The following MYH11 variants were observed in gnomAD, a reference collection of about 807,000 sequenced individuals.
MYH11 encodes the protein myosin heavy chain 11, also known as myosin-11.
Under a neutral mutation model 246.6 loss-of-function variants are expected in MYH11, and 80 were observed. The observed-to-expected ratio is 0.32, with a 90% CI of 0.27 to 0.39. MYH11 has a LOEUF of 0.39. Among genes scored for constraint, MYH11 ranks in the 10% least tolerant of loss-of-function variants. The pLI, the probability that MYH11 is intolerant of heterozygous loss-of-function variation, is 1.00. For synonymous variants in MYH11, 1,071 were observed against 1,015.5 expected (o/e 1.05, Z -1.04); for missense variants, 2,158 against 2,546.8 (o/e 0.85, Z 3.29).
At position 15,741,643 on chromosome 16, in the gene MYH11, C is replaced by G. The variant is rs1021297987; in HGVS notation, c.2679G>C (p.Gln893His). The G allele has an allele frequency of 3.7e-6, 6 of 1,613,626 alleles. No individual in the cohort carries two copies. The African/African-American group carries it at 4.0e-5, about 11-fold the overall frequency. ...SQLTEEKNLL[Q>H]EQLQAETELY... ...GCTCTGTCTCTGCCTGCAGCTGTTC[C>G]TGTAGCAGGTTCTTCTCCTCGGTCA... Residue 893 changes from glutamine to histidine, a missense_variant, in exon 22 of 41, where the codon CAG becomes CAC. By Grantham distance (24) the Gln-to-His change is conservative. Transcript: ENST00000300036.
At chr16:15,839,693 CG>C (rs1224378102) in intron 1 of MYH11, among the ~76,000 whole-genome samples, 1 of 143,268 alleles carries the variant, frequency 7.0e-6, no homozygotes, top group Non-Finnish European at 1.5e-5. Context: ...GACTCTGTCT[CG>C]AAAAAAAAAA....
In MYH11 at chr16:15,775,773, G is replaced by A. The variant is rs971364768; in HGVS notation, c.889+305C>T. 37 of 419,798 alleles carry A rather than the reference G, an allele frequency of 8.8e-5. 1 individual carries two copies. Among genetic ancestry groups the A allele is most frequent in the East Asian group, 5.6e-4 (13 of 23,406 alleles). 26.0% of individuals were successfully genotyped at this position (419,798 alleles called of 1,614,324 possible). On this transcript the variant is annotated intron_variant, in intron 8 of 40. Transcript: ENST00000300036. ...TGTCTTTCTCCCTTTCCTTGAAGGC[G>A]TAGATTGTGTCTAGTTGGACTTGAT... is the stretch of plus-strand genomic sequence containing the variant.
intron 16 of MYH11, 187 bp downstream of exon 16, chr16:15,749,951 T>C (rs1368246229): frequency 1.4e-6 from 1 of 698,886 alleles, no homozygotes; most frequent in African/African-American, 1.8e-5. Flanking sequence ...GAAAAGTCTC[T>C]GGATGCATCC....
intron 3 of MYH11, among the ~76,000 whole-genome samples, chr16:15,806,496 A>G (rs1806985008): frequency 6.6e-6 from 1 of 152,178 alleles, no homozygotes; most frequent in Non-Finnish European, 1.5e-5. Flanking sequence ...ATATAAAATT[A>G]TATTGCAGCA....
At chr16:15,805,048 G>T (rs879159019) in intron 3 of MYH11, among the ~76,000 whole-genome samples, 1 of 152,080 alleles carries the variant, frequency 6.6e-6, no homozygotes, top group Non-Finnish European at 1.5e-5. Context: ...ATCGTCTTGG[G>T]AGTCAACTCT....
chr16:15,849,071 G>A (rs1026393105), intron 1 of MYH11, among the ~76,000 whole-genome samples: 3 of 152,204 alleles, frequency 2.0e-5, no homozygotes, highest in Non-Finnish European at 4.4e-5. Flanking sequence ...TGCTCTCAAT[G>A]TTTTTGGTTG....
chr16:15,771,543 C>G (rs1395112265), intron 9 of MYH11, 26 bp downstream of exon 9: 1 of 1,612,600 alleles, frequency 6.2e-7, no homozygotes, highest in African/African-American at 1.3e-5. Flanking sequence ...GCAAGCTACC[C>G]TCCAGACTCA....
At chr16:15,824,281 CTT>C (rs58481524) in intron 2 of MYH11, among the ~76,000 whole-genome samples, 37 of 143,966 alleles carry the variant, frequency 2.6e-4, no homozygotes, top group Admixed American at 2.8e-4. Context: ...ATGTTGTTTA[CTT>C]TTTTTTTTTT....
rs765515209 is a variant in MYH11 at position 15,753,528 on chromosome 16, G to A, written c.1750-20C>T. ...GTCCACCTGCCAAGGACACCCTGCT[G>A]GTCAGAACCCCTGGGAAACTAGAAA... On this transcript the variant is annotated intron_variant, in intron 14 of 40. Coordinates refer to ENST00000300036, the MANE Select transcript of MYH11 (RefSeq NM_002474.3). 1.3e-6 allele frequency: 2 copies of A among 1,593,138 alleles called. No homozygotes were observed. Among genetic ancestry groups the A allele is most frequent in the Non-Finnish European group, 1.7e-6 (2 of 1,160,980 alleles).
intron 12 of MYH11, 33 bp downstream of exon 12, chr16:15,759,543 G>A (rs1416463943): frequency 2.5e-6 from 4 of 1,613,814 alleles, no homozygotes; most frequent in East Asian, 2.2e-5. Flanking sequence ...AGACAACCAA[G>A]ACCATGGCTC....
At chr16:15,719,851 C>G (rs2040373406) in intron 34 of MYH11, 138 bp from the exon 35 acceptor site, 4 of 1,305,436 alleles carry the variant, frequency 3.1e-6, no homozygotes, top group South Asian at 1.2e-5. Context: ...GAGCATGGCT[C>G]TCAGTTCCAG....
intron 25 of MYH11, among the ~76,000 whole-genome samples, chr16:15,736,344 T>C (rs865905452): frequency 4.6e-5 from 7 of 152,210 alleles, no homozygotes; most frequent in Middle Eastern, 6.8e-3. Flanking sequence ...AGTGGCATGA[T>C]CATAGCTCAC....
Position 15,720,265 on chromosome 16 carries a change from G to T in MYH11, c.4839C>A (p.Ala1613=), listed in dbSNP as rs536345257. Residue 1613 remains alanine, a synonymous_variant, in exon 34 of 41, where the codon GCC becomes GCA. Coordinates refer to ENST00000300036, the MANE Select transcript of MYH11 (RefSeq NM_002474.3). ...TELEDERKQR[A]LAAAAKKKLE... ...GCTTCTTCTTTGCTGCAGCTGCCAG[G>T]GCACGTTGCTTTCGCTCGTCTTCCA... The T allele has an allele frequency of 1.9e-6, 3 of 1,614,132 alleles. No individual in the cohort carries two copies. In the African/African-American group the frequency reaches 4.0e-5, roughly 22 times the overall value.
intron 3 of MYH11, among the ~76,000 whole-genome samples, chr16:15,818,731 C>T (rs778503807): frequency 6.6e-6 from 1 of 151,812 alleles, no homozygotes; most frequent in Non-Finnish European, 1.5e-5. Flanking sequence ...CCACCGTGCC[C>T]GATTCTTTTT....
intron 8 of MYH11, among the ~76,000 whole-genome samples, chr16:15,774,745 A>T (rs1477006162): frequency 6.6e-6 from 1 of 152,094 alleles, no homozygotes; most frequent in African/African-American, 2.4e-5. Context: ...GCCAGCCACC[A>T]CACCTGGCTA....
intron 9 of MYH11, among the ~76,000 whole-genome samples, chr16:15,764,560 T>A (rs1231061383): frequency 6.6e-6 from 1 of 152,078 alleles, no homozygotes; most frequent in East Asian, 1.9e-4. Flanking sequence ...ACATACTGTC[T>A]AAGTCCATAT....
At chr16:15,813,842 G>A (rs11863378) in intron 3 of MYH11, among the ~76,000 whole-genome samples, 2,177 of 144,350 alleles carry the variant, frequency 0.015, 56 homozygotes, top group African/African-American at 0.053. Flanking sequence ...CAAAAGAGGG[G>A]GGAAAAGGCA....
At chr16:15,799,283 G>C (rs1166806736) in intron 3 of MYH11, among the ~76,000 whole-genome samples, 1 of 152,154 alleles carries the variant, frequency 6.6e-6, no homozygotes, top group East Asian at 1.9e-4. Context: ...ATGTGTTCCA[G>C]GCTGCATTGG....
At chr16:15,767,027 G>T (rs1308842875) in intron 9 of MYH11, among the ~76,000 whole-genome samples, 1 of 152,124 alleles carries the variant, frequency 6.6e-6, no homozygotes, top group Non-Finnish European at 1.5e-5. Context: ...CCTAGTTCCG[G>T]GTCCAGATAC....
Sources: allele counts gnomAD v4.1 joint callset (sites outside exome capture counted in the v4.1 genomes callset), GRCh38; gene constraint gnomAD v4.1.1; transcripts MANE v1.5; gene names NCBI Gene and HGNC (gene_info 2026-07-23, HGNC 2026-07-21).